The following CRYBG3 variants were observed in gnomAD, a reference collection of about 807,000 sequenced individuals.
The protein encoded by CRYBG3 is crystallin beta-gamma domain containing 3.
CRYBG3 carries 127 observed loss-of-function variants against 244.2 expected under a neutral mutation model. That is an observed-to-expected ratio of 0.52 (90% CI 0.45 to 0.60). CRYBG3 has a LOEUF of 0.60. Among genes scored for constraint, CRYBG3 ranks in the 20% least tolerant of loss-of-function variants. The pLI is 0.00. For synonymous variants in CRYBG3, 1,132 were observed against 1,195.8 expected, an observed-to-expected ratio of 0.95 and a Z score of 1.10; for missense variants, 3,325 against 3,442.5, an observed-to-expected ratio of 0.97 and a Z score of 0.85.
intron 17 of CRYBG3, among the ~76,000 whole-genome samples, chr3:97,917,155 G>A (rs918364927): frequency 6.6e-6 from 1 of 152,096 alleles, no homozygotes; most frequent in Non-Finnish European, 1.5e-5. Flanking sequence ...TAGAAGCAGG[G>A]TCAAAATTAG....
At position 97,843,270 on chromosome 3, in the gene CRYBG3, T is replaced by A; in HGVS notation, c.216+9T>A. ...CATCAGAAGCAGTAAAGGTATAGTT[T>A]TAAATTAATATTATTTTATATCAAG... On this transcript the variant is annotated intron_variant, in intron 2 of 21. Transcript: ENST00000389622. The A allele has an allele frequency of 7.6e-7, 1 of 1,314,166 alleles. No homozygotes were observed. The allele number at this position is 1,314,166 out of a possible 1,614,324, so 81.4% of individuals were successfully genotyped here. A position where few individuals can be genotyped will look rare whatever the true frequency, so the allele number is the denominator to read the frequency against.
chr3:97,884,508 A>G (rs1399962364), intron 7 of CRYBG3, among the ~76,000 whole-genome samples: 1 of 152,112 alleles, frequency 6.6e-6, no homozygotes, highest in Admixed American at 6.6e-5. Context: ...ATTCTTACTA[A>G]TTGCCATAAT....
Position 97,875,636 on chromosome 3 carries a change from T to C in CRYBG3, c.4442T>C (p.Leu1481Pro), listed in dbSNP as rs1380805422. ...GTATTAAATTTCAAATGGCCTCCAC[T>C]TGTGAATGATGACATCCATGCACCT... is the stretch of plus-strand genomic sequence containing the variant. ...TLVLNFKWPPLVNDDIHAPGT... is the reference protein window; with the variant it reads ...TLVLNFKWPPPVNDDIHAPGT... The change falls in exon 4 of 22, where the codon CTT (leucine) becomes CCT (proline). Residue 1481 changes from leucine (L) to proline (P), a missense_variant. This residue lies in a region of CRYBG3 where 635 missense variants were observed against 771.7 expected (regional missense o/e 0.82). Coordinates refer to ENST00000389622, the MANE Select transcript of CRYBG3 (RefSeq NM_153605.4). The C allele has an allele frequency of 8.1e-7, 1 of 1,235,142 alleles. No individual in the cohort carries two copies. The highest frequency in any genetic ancestry group is 1.0e-6 in the Non-Finnish European group (1 of 990,370). The allele number at this position is 1,235,142 out of a possible 1,614,324, so 76.5% of individuals were successfully genotyped here.
chr3:97,942,656 A>G (rs1014429903), intron 21 of CRYBG3: 13 of 448,278 alleles, frequency 2.9e-5, no homozygotes, highest in African/African-American at 2.2e-4. Flanking sequence ...TCATTAGTAC[A>G]GTTGTAAAAC....
At chr3:97,827,404 TC>T (rs2038592704) in intron 1 of CRYBG3, among the ~76,000 whole-genome samples, 2 of 152,192 alleles carry the variant, frequency 1.3e-5, no homozygotes, top group African/African-American at 4.8e-5. Flanking sequence ...TCGAAGTTTT[TC>T]CACTAGTAAT....
At chr3:97,891,819 G>A (rs911330153) in intron 10 of CRYBG3, among the ~76,000 whole-genome samples, 3 of 152,100 alleles carry the variant, frequency 2.0e-5, no homozygotes, top group African/African-American at 7.2e-5. Flanking sequence ...GCATTGCCGT[G>A]GTAGAGAATG....
intron 17 of CRYBG3, among the ~76,000 whole-genome samples, chr3:97,927,708 A>C (rs1477190765): frequency 2.0e-5 from 3 of 151,996 alleles, no homozygotes; most frequent in Non-Finnish European, 4.4e-5. Context: ...CAAATCAACA[A>C]GCAAAAAACA....
Position 97,872,244 on chromosome 3 carries a change from T to C in CRYBG3, c.1050T>C (p.Ser350=). 1 of 1,535,956 alleles carries C rather than the reference T, an allele frequency of 6.5e-7. No individual in the cohort carries two copies. Among genetic ancestry groups the C allele is most frequent in the Non-Finnish European group, 8.7e-7 (1 of 1,146,780 alleles). Residue 350 remains serine (S), a synonymous_variant, in exon 4 of 22, where the codon TCT becomes TCC. Transcript: ENST00000389622. ...SIERNRSSPS[S]VTNSSYDGES... ...AGAGAAATAGGTCATCCCCTTCTTC[T>C]GTGACTAACTCCAGCTACGATGGAG...
In CRYBG3 at chr3:97,889,388, A is replaced by G; in HGVS notation, c.7438A>G (p.Lys2480Glu). ...GLKVEMPMNL[K>E]VIIYEKPHFH... ...GAAAGTGGAAATGCCCATGAACTTA[A>G]AGGTAAGTCTTGGACTGATTTTTGT... Residue 2480 changes from lysine (K) to glutamate (E), a missense_variant and splice_region_variant, in exon 10 of 22, where the codon AAG becomes GAG. Around this residue, in one of 4 missense-constraint regions of CRYBG3, gnomAD observed 714 missense variants for 803.6 expected, o/e 0.89. Transcript: ENST00000389622. 6.2e-7 allele frequency: 1 copy of G among 1,609,030 alleles called. No individual in the cohort carries two copies. The highest frequency in any genetic ancestry group is 8.5e-7 in the Non-Finnish European group (1 of 1,175,590).
intron 17 of CRYBG3, among the ~76,000 whole-genome samples, chr3:97,922,876 GACACATGC>G (rs939117186): frequency 6.6e-6 from 1 of 152,110 alleles, no homozygotes; most frequent in African/African-American, 2.4e-5. Flanking sequence ...CTGCTATAAA[GACACATGC>G]ACACATATGT....
intron 11 of CRYBG3, 121 bp from the exon 12 acceptor site, chr3:97,895,838 A>G: frequency 1.3e-6 from 1 of 797,440 alleles, no homozygotes; most frequent in South Asian, 2.1e-5. Context: ...AAACAAAACT[A>G]ATGTGTTGCT....
intron 11 of CRYBG3, among the ~76,000 whole-genome samples, 197 bp from the exon 12 acceptor site, chr3:97,895,762 A>G (rs2039632947): frequency 6.6e-6 from 1 of 152,246 alleles, no homozygotes; most frequent in Non-Finnish European, 1.5e-5. Context: ...TTTGTTGGGA[A>G]AAGCCTCCAA....
intron 1 of CRYBG3, among the ~76,000 whole-genome samples, chr3:97,826,506 C>T (rs1218061682): frequency 2.0e-5 from 3 of 152,096 alleles, no homozygotes; most frequent in East Asian, 3.9e-4. Flanking sequence ...ATTTTCTATC[C>T]AAAGTTCTGA....
chr3:97,872,819 C>T lies in CRYBG3; in HGVS notation c.1625C>T (p.Ser542Leu), dbSNP rs1163933292. ...ESASAGESIASSHVKAPEDKI... is the reference protein window; with the variant it reads ...ESASAGESIALSHVKAPEDKI... Reference sequence around the variant, plus strand: ...GCCTCAGCTGGTGAATCCATAGCTTCAAGTCATGTAAAAGCTCCAGAAGAT... The same window carrying T: ...GCCTCAGCTGGTGAATCCATAGCTTTAAGTCATGTAAAAGCTCCAGAAGAT... Residue 542 changes from serine to leucine, a missense_variant, in exon 4 of 22, where the codon TCA (serine) becomes TTA (leucine). Coordinates refer to ENST00000389622, the MANE Select transcript of CRYBG3 (RefSeq NM_153605.4). The T allele has an allele frequency of 3.3e-6, 5 of 1,535,914 alleles. No individual in the cohort carries two copies. In the East Asian group the frequency reaches 1.2e-4, roughly 38 times the overall value.
At position 97,822,122 on chromosome 3, in the gene CRYBG3, C is replaced by G. The variant is rs933565919; in HGVS notation, c.-85C>G. On this transcript the variant is annotated 5_prime_UTR_variant, in exon 1 of 22. Coordinates refer to ENST00000389622, the MANE Select transcript of CRYBG3 (RefSeq NM_153605.4). ...GAGTCGGTCTGCCCTAGCCGCATCC[C>G]GCGGCGCCCGGTCGGGCTCCGGGCA... 1.1e-4 allele frequency: 142 copies of G among 1,289,004 alleles called. 1 individual carries two copies. In the African/African-American group the frequency reaches 1.8e-3, roughly 16 times the overall value. The allele number at this position is 1,289,004 out of a possible 1,614,324, so 79.8% of individuals were successfully genotyped here. A position where few individuals can be genotyped will look rare whatever the true frequency, so the allele number is the denominator to read the frequency against.
intron 2 of CRYBG3, among the ~76,000 whole-genome samples, chr3:97,851,699 A>C (rs1387617818): frequency 6.6e-6 from 1 of 152,184 alleles, no homozygotes; most frequent in Non-Finnish European, 1.5e-5. Flanking sequence ...GTGGTAAGAG[A>C]TGAAATTGGA....
At chr3:97,859,767 T>C (rs914924061) in intron 2 of CRYBG3, among the ~76,000 whole-genome samples, 12 of 152,182 alleles carry the variant, frequency 7.9e-5, no homozygotes, top group Non-Finnish European at 1.5e-4. Context: ...TTGGGCCATA[T>C]TGTCTTTTCA....
At chr3:97,906,103 T>C (rs2039771586) in intron 15 of CRYBG3, among the ~76,000 whole-genome samples, 1 of 148,696 alleles carries the variant, frequency 6.7e-6, no homozygotes, top group Non-Finnish European at 1.5e-5. Context: ...CATTGATCTA[T>C]ATCTCTGTTT....
chr3:97,851,864 T>A (rs1423785630), intron 2 of CRYBG3, among the ~76,000 whole-genome samples: 2 of 152,090 alleles, frequency 1.3e-5, no homozygotes, highest in African/African-American at 4.8e-5. Context: ...GAGAACATAG[T>A]GGGGGATAAC....
Sources: allele counts gnomAD v4.1 joint callset (sites outside exome capture counted in the v4.1 genomes callset), GRCh38; gene constraint gnomAD v4.1.1; regional missense constraint gnomAD v4.1.1; transcripts MANE v1.5; gene names NCBI Gene and HGNC (gene_info 2026-07-23, HGNC 2026-07-21).